The following CIT variants were observed in gnomAD, a reference collection of about 807,000 sequenced individuals.
CIT encodes citron rho-interacting serine/threonine kinase, also known as citron Rho-interacting kinase.
A neutral mutation model predicts 272.7 loss-of-function variants in CIT; 79 were observed. The observed-to-expected ratio is 0.29, with a 90% CI of 0.24 to 0.35. The LOEUF is 0.35. Among genes scored for constraint, CIT ranks in the 10% least tolerant of loss-of-function variants. The pLI, the probability that CIT is intolerant of heterozygous loss-of-function variation, is 1.00. For missense variants in CIT, 1,909 were observed against 2,618.3 expected, an observed-to-expected ratio of 0.73 and a Z score of 5.91; for synonymous variants, 948 against 995.6, an observed-to-expected ratio of 0.95 and a Z score of 0.90.
intron 1 of CIT, among the ~76,000 whole-genome samples, chr12:119,876,441 G>C (rs898454989): frequency 3.9e-5 from 6 of 152,162 alleles, no homozygotes; most frequent in Non-Finnish European, 7.3e-5. Context: ...GCTCCACAAG[G>C]GCAGAGATGT....
intron 2 of CIT, among the ~76,000 whole-genome samples, chr12:119,872,955 CCTGA>C (rs1950727613): frequency 6.6e-6 from 1 of 151,424 alleles, no homozygotes; most frequent in South Asian, 2.1e-4. Flanking sequence ...CACCGCCATG[CCTGA>C]CTAATTATTT....
chr12:119,728,432 C>A lies in CIT; in HGVS notation c.3591+70G>T. The A allele has an allele frequency of 1.1e-6, 1 of 944,548 alleles. No individual in the cohort carries two copies. The highest frequency in any genetic ancestry group is 1.6e-6 in the Non-Finnish European group (1 of 606,190). The allele number at this position is 944,548 out of a possible 1,614,324, so 58.5% of individuals were successfully genotyped here. ...TTTTGCTGTGAACCTAAAGCTGCTC[C>A]AAAAAAAAGAAGCCTATTAAAAGAA... On this transcript the variant is annotated intron_variant, in intron 28 of 47. Transcript: ENST00000392521. The surrounding 1 kb of genome is among the most constrained non-coding windows in gnomAD (Gnocchi z 4.3).
chr12:119,831,310 T>C (rs1968611060), intron 7 of CIT, among the ~76,000 whole-genome samples: 1 of 152,192 alleles, frequency 6.6e-6, no homozygotes, highest in African/African-American at 2.4e-5. Context: ...TATAGCAATA[T>C]AATCTAATTC....
chr12:119,865,988 A>T (rs1302992482), intron 3 of CIT, among the ~76,000 whole-genome samples: 1 of 151,854 alleles, frequency 6.6e-6, no homozygotes, highest in East Asian at 1.9e-4. Flanking sequence ...TTTTCTACCC[A>T]GCATCCCCGG....
chr12:119,716,443 TA>T (rs1278371144), intron 32 of CIT, among the ~76,000 whole-genome samples: 42 of 111,852 alleles, frequency 3.8e-4, no homozygotes, highest in Admixed American at 3.5e-3. Flanking sequence ...AGGAGTTATA[TA>T]AACACAGGAG....
At position 119,690,048 on chromosome 12, in the gene CIT, T is replaced by C; in HGVS notation, c.6186+103A>G. Reference sequence around the variant, plus strand: ...TCTCGCAAAGTCTGAATTACAGTCATGGAGTTCCTTTTTTAAACAACAGTG... The same window carrying C: ...TCTCGCAAAGTCTGAATTACAGTCACGGAGTTCCTTTTTTAAACAACAGTG... On this transcript the variant is annotated intron_variant, in intron 47 of 47. Coordinates refer to ENST00000392521, the MANE Select transcript of CIT (RefSeq NM_001206999.2). The surrounding 1 kb of genome is among the most constrained non-coding windows in gnomAD (Gnocchi z 6.0). The C allele has an allele frequency of 4.5e-6, 5 of 1,114,336 alleles. No individual in the cohort carries two copies. The highest frequency in any genetic ancestry group is 5.9e-6 in the Non-Finnish European group (5 of 844,140). 69.0% of individuals were successfully genotyped at this position (1,114,336 alleles called of 1,614,324 possible).
rs762636405 is a variant in CIT, at chr12:119,758,564, T to C, written c.2531+27A>G. ...GAGAGGAGACCAAAGTGTAATAATG[T>C]AGGGCAGTTAGAATTTGAATACTTA... On this transcript the variant is annotated intron_variant, in intron 21 of 47. Transcript: ENST00000392521. 4 of 1,399,944 alleles carry C rather than the reference T, an allele frequency of 2.9e-6. No homozygotes were observed. The South Asian group carries it at 3.5e-5, about 12-fold the overall frequency. 86.7% of individuals were successfully genotyped at this position (1,399,944 alleles called of 1,614,324 possible).
At position 119,701,543 on chromosome 12, in the gene CIT, C is replaced by T. The variant is rs2136986582; in HGVS notation, c.5542+81G>A. The stretch of plus-strand genomic sequence containing the variant: ...GTCAAACCTATCCTGCCCCAGAGCT[C>T]CATGTACCCTCCTCCAACCCCTCAT... On this transcript the variant is annotated intron_variant, in intron 43 of 47. Transcript: ENST00000392521. The T allele has an allele frequency of 3.2e-5, 49 of 1,521,670 alleles. No homozygotes were observed. The South Asian group carries it at 5.5e-4, about 17-fold the overall frequency. 94.3% of individuals were successfully genotyped at this position (1,521,670 alleles called of 1,614,324 possible).
chr12:119,816,786 A>T (rs1427354461), intron 9 of CIT, among the ~76,000 whole-genome samples: 2 of 152,206 alleles, frequency 1.3e-5, no homozygotes, highest in Middle Eastern at 3.2e-3. Context: ...CAATTCTTCT[A>T]AATCAATGGT....
At chr12:119,775,032 G>A (rs922206975) in intron 16 of CIT, among the ~76,000 whole-genome samples, 6 of 152,180 alleles carry the variant, frequency 3.9e-5, no homozygotes, top group Admixed American at 6.5e-5. Flanking sequence ...CAGCACTTTG[G>A]GAGGCCTAGG....
chr12:119,795,693 C>A (rs1337410823), intron 10 of CIT, among the ~76,000 whole-genome samples: 1 of 152,134 alleles, frequency 6.6e-6, no homozygotes, highest in Non-Finnish European at 1.5e-5. Flanking sequence ...CTAGAGGCAA[C>A]CAGATATTGC....
intron 47 of CIT, among the ~76,000 whole-genome samples, chr12:119,688,712 G>A (rs149376754): frequency 6.6e-6 from 1 of 152,294 alleles, no homozygotes; most frequent in East Asian, 1.9e-4. Flanking sequence ...GGAGCCCCTG[G>A]TCTTCCACAC....
chr12:119,761,093 C>A, intron 19 of CIT, 38 bp from the exon 20 acceptor site: 1 of 1,430,984 alleles, frequency 7.0e-7, no homozygotes, highest in Non-Finnish European at 9.9e-7. Context: ...TTCTCAGGAG[C>A]CAAGCTGAGG....
intron 2 of CIT, among the ~76,000 whole-genome samples, chr12:119,874,117 G>A (rs943272204): frequency 3.9e-5 from 6 of 152,058 alleles, no homozygotes; most frequent in Admixed American, 1.3e-4. Flanking sequence ...CGCCCAGGCT[G>A]GAGTGCAGTG....
rs376570817 is a variant in CIT at position 119,756,756 on chromosome 12, C to T, written c.2706+615G>A. On this transcript the variant is annotated intron_variant, in intron 22 of 47. Coordinates refer to ENST00000392521, the MANE Select transcript of CIT (RefSeq NM_001206999.2). ...CCTCCAGCCCCACGTGTTTTCCTTT[C>T]GATCCAGCTCTGGGAAGTCAGCAGG... Among the ~76,000 whole-genome samples the T allele has an allele frequency of 1.9e-3, 286 of 152,030 alleles. 2 individuals are homozygous for T. The highest frequency in any genetic ancestry group is 6.5e-3 in the African/African-American group (269 of 41,438).
At chr12:119,730,019 G>A (rs753511933) in intron 27 of CIT, among the ~76,000 whole-genome samples, 6 of 152,086 alleles carry the variant, frequency 3.9e-5, no homozygotes, top group South Asian at 2.1e-4. Context: ...GTGTATTTCC[G>A]ATGTGAAATA....
At chr12:119,864,418 C>T (rs966217554) in intron 3 of CIT, among the ~76,000 whole-genome samples, 2 of 152,256 alleles carry the variant, frequency 1.3e-5, no homozygotes, top group African/African-American at 4.8e-5. Flanking sequence ...TTACTGCAAC[C>T]TCCACCTCCC....
intron 13 of CIT, 83 bp from the exon 14 acceptor site, chr12:119,776,925 C>CCTGTGTGGTT: frequency 7.0e-7 from 1 of 1,421,076 alleles, no homozygotes; most frequent in East Asian, 2.3e-5. Flanking sequence ...GAGTATTAAC[C>CCTGTGTGGTT]ACACAGGGAA....
In CIT at chr12:119,803,330, G is replaced by A; in HGVS notation, c.1171C>T (p.Pro391Ser). The A allele has an allele frequency of 4.4e-6, 7 of 1,607,336 alleles. No homozygotes were observed. Among genetic ancestry groups the A allele is most frequent in the Non-Finnish European group, 5.9e-6 (7 of 1,176,838 alleles). ...GATGAAACCCACGAATTCTTCTCTG[G>A]TTCATCAAAATTGGAGGTGTCATCG... ...SDDDTSNFDE[P>S]EKNSWVSSSP... Residue 391 changes from proline (P) to serine (S), a missense_variant, in exon 10 of 48, where the codon CCA becomes TCA. Around this residue, in one of 8 missense-constraint regions of CIT, gnomAD observed 529 missense variants for 549.6 expected, o/e 0.96. Coordinates refer to ENST00000392521, the MANE Select transcript of CIT (RefSeq NM_001206999.2).
Sources: allele counts gnomAD v4.1 joint callset (sites outside exome capture counted in the v4.1 genomes callset), GRCh38; gene constraint gnomAD v4.1.1; regional missense constraint gnomAD v4.1.1; non-coding constraint Gnocchi (gnomAD v3.1); transcripts MANE v1.5; gene names NCBI Gene and HGNC (gene_info 2026-07-23, HGNC 2026-07-21).